Variants in ARHGAP44 observed in about 807,000 individuals in gnomAD.
The protein encoded by ARHGAP44 is rho GTPase-activating protein 44.
Under a neutral mutation model 106.8 loss-of-function variants are expected in ARHGAP44, and 43 were observed. The ratio of observed to expected loss-of-function variants is 0.40; its 90% confidence interval spans 0.32 to 0.52. The LOEUF (loss-of-function observed/expected upper bound fraction) is 0.52, where lower values mean the gene tolerates loss of function less well. Ranked by LOEUF, ARHGAP44 falls within the 20% of genes least tolerant of loss-of-function variation. The pLI is 0.48. For synonymous variants in ARHGAP44, 439 were observed against 410.3 expected (o/e 1.07, Z -0.85); for missense variants, 866 against 1,050.5 (o/e 0.82, Z 2.43).
At position 12,976,834 on chromosome 17, in the gene ARHGAP44, GA is replaced by G. The variant is rs1184737703; in HGVS notation, c.1763+2526del. Among the ~76,000 whole-genome samples, 19 of 152,242 alleles carry G rather than the reference GA, an allele frequency of 1.2e-4. No individual in the cohort carries two copies. In the South Asian group the frequency reaches 3.9e-3, roughly 32 times the overall value. Reference sequence around the variant, plus strand: ...ATGCGGGCACAGTGAGTTCATTGGAGAAGCAGAGTCTGAGAGTGGTGGGCCA... The same window carrying G: ...ATGCGGGCACAGTGAGTTCATTGGAGAGCAGAGTCTGAGAGTGGTGGGCCA... On this transcript the variant is annotated intron_variant, in intron 18 of 20. Transcript: ENST00000379672.
At chr17:12,794,672 C>G (rs2033867129) in intron 1 of ARHGAP44, among the ~76,000 whole-genome samples, 1 of 152,104 alleles carries the variant, frequency 6.6e-6, no homozygotes, top group African/African-American at 2.4e-5. Context: ...AGTTTTGTCT[C>G]TGGAGCCTTG....
intron 16 of ARHGAP44, 117 bp downstream of exon 16, chr17:12,959,014 G>A: frequency 8.0e-7 from 1 of 1,246,444 alleles, no homozygotes; most frequent in Non-Finnish European, 1.1e-6. Flanking sequence ...CAGCAGTTTA[G>A]GTGACTCGTA....
intron 1 of ARHGAP44, among the ~76,000 whole-genome samples, chr17:12,894,509 G>C (rs1268256084): frequency 6.6e-6 from 1 of 152,144 alleles, no homozygotes; most frequent in African/African-American, 2.4e-5. Context: ...GCCAGACCGT[G>C]GTGGTGGCAT....
At chr17:12,970,768 A>G (rs2039510074) in intron 16 of ARHGAP44, among the ~76,000 whole-genome samples, 1 of 152,234 alleles carries the variant, frequency 6.6e-6, no homozygotes, top group South Asian at 2.1e-4. Context: ...AACAATGAAC[A>G]GAAGCTTGTG....
rs763533023 is a variant in ARHGAP44 at position 12,941,100 on chromosome 17, T to A, written c.627T>A (p.Ile209=). 2 of 1,614,006 alleles carry A rather than the reference T, an allele frequency of 1.2e-6. No individual in the cohort carries two copies. The highest frequency in any genetic ancestry group is 4.5e-5 in the East Asian group (2 of 44,884). ...TGTACAGTTTTGTGGCCAAAGAAAT[T>A]GACTATGCAAACTACTTTCAAACGG... is the stretch of plus-strand genomic sequence containing the variant. ...ADMYSFVAKE[I]DYANYFQTLI... Residue 209 remains isoleucine (I), a synonymous_variant, in exon 8 of 21, where the codon ATT becomes ATA. Transcript: ENST00000379672.
At chr17:12,931,883 T>C (rs141362687) in intron 7 of ARHGAP44, among the ~76,000 whole-genome samples, 1 of 143,878 alleles carries the variant, frequency 7.0e-6, no homozygotes, top group Admixed American at 6.7e-5. Flanking sequence ...CACACACATA[T>C]CATGATTTAT....
Position 12,974,210 on chromosome 17 carries a change from C to T in ARHGAP44, c.1663C>T (p.Pro555Ser), listed in dbSNP as rs1440153497. The T allele has an allele frequency of 1.9e-6, 3 of 1,547,264 alleles. No individual in the cohort carries two copies. Among genetic ancestry groups the T allele is most frequent in the East Asian group, 2.4e-5 (1 of 40,882 alleles). Residue 555 changes from proline to serine, a missense_variant, in exon 18 of 21, where the codon CCC (proline) becomes TCC (serine). Pro to Ser is a moderately conservative substitution (Grantham distance 74, BLOSUM62 -1). Around this residue, in one of 2 missense-constraint regions of ARHGAP44, gnomAD observed 418 missense variants for 403.6 expected, o/e 1.04. Transcript: ENST00000379672. ...PPAPPAELAA[P>S]LPSPLPEQPL... Reference sequence around the variant, plus strand: ...CGCCCCGCCCGCCGAGCTGGCTGCGCCCCTGCCTTCGCCGCTGCCGGAGCA... The same window carrying T: ...CGCCCCGCCCGCCGAGCTGGCTGCGTCCCTGCCTTCGCCGCTGCCGGAGCA...
At position 12,929,179 on chromosome 17, in the gene ARHGAP44, G is replaced by A. The variant is rs146608057; in HGVS notation, c.582+133G>A. The A allele has an allele frequency of 5.8e-5, 45 of 772,136 alleles. 1 individual carries two copies. In the African/African-American group the frequency reaches 6.0e-4, roughly 10 times the overall value. 47.8% of individuals were successfully genotyped at this position (772,136 alleles called of 1,614,324 possible). A position where few individuals can be genotyped will look rare whatever the true frequency, so the allele number is the denominator to read the frequency against. ...TGAACTGAATGTCCCCAAGCCCGCCGGCTAGCATCTCCAAGGAGTCCAGGA... is the reference window on the plus strand; with the variant it reads ...TGAACTGAATGTCCCCAAGCCCGCCAGCTAGCATCTCCAAGGAGTCCAGGA... On this transcript the variant is annotated intron_variant, in intron 7 of 20. Transcript: ENST00000379672.
chr17:12,916,119 C>T, intron 5 of ARHGAP44, 108 bp downstream of exon 5: 1 of 867,790 alleles, frequency 1.2e-6, no homozygotes, highest in South Asian at 1.7e-5. Flanking sequence ...AACCTTCTCC[C>T]CAACATTGTT....
chr17:12,943,155 C>G (rs559848715), intron 8 of ARHGAP44, among the ~76,000 whole-genome samples: 4 of 152,344 alleles, frequency 2.6e-5, no homozygotes. Context: ...GATCCTCCAG[C>G]CTCAGTCTCC....
intron 18 of ARHGAP44, 143 bp downstream of exon 18, chr17:12,974,453 C>T: frequency 7.2e-6 from 5 of 697,712 alleles, no homozygotes; most frequent in East Asian, 3.4e-5. Flanking sequence ...GCTTCTGCGT[C>T]GCGCTGGCAC....
At chr17:12,944,321 A>T in intron 10 of ARHGAP44, 125 bp downstream of exon 10, 1 of 1,265,942 alleles carries the variant, frequency 7.9e-7, no homozygotes, top group South Asian at 2.0e-5. Context: ...GGCTTAAGAC[A>T]GTGGCTCAGA....
At chr17:12,864,261 T>G (rs1352060413) in intron 1 of ARHGAP44, among the ~76,000 whole-genome samples, 1 of 152,196 alleles carries the variant, frequency 6.6e-6, no homozygotes, top group Non-Finnish European at 1.5e-5. Context: ...GTGCTAAGCT[T>G]AGTTTTTCAT....
rs55648122 is a variant in ARHGAP44, at chr17:12,991,095, T to C, written c.*924T>C. 16,158 of 152,696 alleles carry C rather than the reference T, an allele frequency of 0.11. 997 individuals are homozygous for C. Among genetic ancestry groups the C allele is most frequent in the Middle Eastern group, 0.2 (59 of 294 alleles). The allele number at this position is 152,696 out of a possible 1,614,324, so 9.5% of individuals were successfully genotyped here. ...AAAGTGAAACCAGCCACGGAGACGC[T>C]GGCCCACGGGCTCGGCCTGCGGTGT... On this transcript the variant is annotated 3_prime_UTR_variant, in exon 21 of 21. Coordinates refer to ENST00000379672, the MANE Select transcript of ARHGAP44 (RefSeq NM_014859.6).
chr17:12,933,522 C>G (rs2038459355), intron 7 of ARHGAP44, among the ~76,000 whole-genome samples: 1 of 152,176 alleles, frequency 6.6e-6, no homozygotes, highest in Admixed American at 6.5e-5. Flanking sequence ...CAAGATGAGA[C>G]AAGCCCAACT....
chr17:12,869,278 A>G (rs1414512540), intron 1 of ARHGAP44, among the ~76,000 whole-genome samples: 2 of 152,204 alleles, frequency 1.3e-5, no homozygotes, highest in African/African-American at 4.8e-5. Flanking sequence ...GAGAGAATCT[A>G]AAACATATAC....
At chr17:12,975,795 CAAAAAAAAAAAAAAA>C (rs57364760) in intron 18 of ARHGAP44, among the ~76,000 whole-genome samples, 1 of 69,406 alleles carries the variant, frequency 1.4e-5, no homozygotes, top group African/African-American at 5.8e-5. Context: ...GACTCCGTCT[CAAAAAAAAAAAAAAA>C]AAAAAAAGAA....
intron 18 of ARHGAP44, among the ~76,000 whole-genome samples, chr17:12,975,570 G>A (rs1220932142): frequency 1.1e-4 from 16 of 151,918 alleles, no homozygotes; most frequent in Admixed American, 4.6e-4. Context: ...AGGCCGAGGC[G>A]GGTGGATCAC....
intron 1 of ARHGAP44, among the ~76,000 whole-genome samples, chr17:12,870,985 C>T (rs2036389982): frequency 6.6e-6 from 1 of 152,128 alleles, no homozygotes; most frequent in Non-Finnish European, 1.5e-5. Flanking sequence ...CTTTTACTTT[C>T]TTTCCCGCCT....
Sources: allele counts gnomAD v4.1 joint callset (sites outside exome capture counted in the v4.1 genomes callset), GRCh38; gene constraint gnomAD v4.1.1; regional missense constraint gnomAD v4.1.1; transcripts MANE v1.5; gene names NCBI Gene and HGNC (gene_info 2026-07-23, HGNC 2026-07-21).